AP3S2: variants seen among roughly 807,000 people sequenced by gnomAD.
AP3S2 encodes the protein AP-3 complex subunit sigma-2.
AP3S2 carries 22 observed loss-of-function variants against 23.4 expected under a neutral mutation model. The observed-to-expected ratio is 0.94, with a 90% CI of 0.67 to 1.34. AP3S2 has a LOEUF of 1.34. AP3S2 is among the 40% of genes most tolerant of loss of function. The pLI, the probability that AP3S2 is intolerant of heterozygous loss-of-function variation, is 0.00. For synonymous variants in AP3S2, 86 were observed against 87.1 expected (o/e 0.99, Z 0.07); for missense variants, 241 against 236.9 (o/e 1.02, Z -0.11).
chr15:89,841,565 T>A (rs1448200738), intron 4 of AP3S2, among the ~76,000 whole-genome samples: 1 of 152,158 alleles, frequency 6.6e-6, no homozygotes, highest in African/African-American at 2.4e-5. Flanking sequence ...AAATGAGAAA[T>A]CACGCAAGCT....
chr15:89,890,871 C>T (rs1038020878), intron 1 of AP3S2, among the ~76,000 whole-genome samples: 1 of 152,208 alleles, frequency 6.6e-6, no homozygotes, highest in Non-Finnish European at 1.5e-5. Context: ...GAATGGCTCA[C>T]AGTATTTACT....
chr15:89,882,148 A>G (rs1400646901), intron 3 of AP3S2, among the ~76,000 whole-genome samples: 2 of 152,072 alleles, frequency 1.3e-5, no homozygotes, highest in Non-Finnish European at 2.9e-5. Flanking sequence ...ATATCTATCT[A>G]GCAACATGCA....
chr15:89,863,326 T>C (rs1896047327), intron 4 of AP3S2, among the ~76,000 whole-genome samples: 1 of 152,026 alleles, frequency 6.6e-6, no homozygotes, highest in African/African-American at 2.4e-5. Flanking sequence ...ACAATGGAAA[T>C]GGAACTACAG....
At chr15:89,892,044 T>C (rs150149957) in intron 1 of AP3S2, among the ~76,000 whole-genome samples, 7 of 152,232 alleles carry the variant, frequency 4.6e-5, no homozygotes, top group Non-Finnish European at 1.0e-4. Context: ...TATTCAGCAA[T>C]AAAAGAAATG....
chr15:89,873,526 C>A (rs1001726066), intron 3 of AP3S2, among the ~76,000 whole-genome samples: 2 of 152,110 alleles, frequency 1.3e-5, no homozygotes, highest in African/African-American at 4.8e-5. Flanking sequence ...CTTAAGTGAT[C>A]CCCCTGTCTT....
chr15:89,868,056 C>A (rs1462850891), intron 4 of AP3S2, among the ~76,000 whole-genome samples: 1 of 132,944 alleles, frequency 7.5e-6, no homozygotes, highest in African/African-American at 2.8e-5. Flanking sequence ...GCCCGGCCGC[C>A]CCTACTGGGA....
intron 1 of AP3S2, among the ~76,000 whole-genome samples, chr15:89,891,827 T>A (rs1896828221): frequency 6.6e-6 from 1 of 152,172 alleles, no homozygotes; most frequent in African/African-American, 2.4e-5. Flanking sequence ...GTCAAATAGT[T>A]TGCAGTTTCT....
At chr15:89,885,828 T>C (rs1013973698) in intron 3 of AP3S2, among the ~76,000 whole-genome samples, 8 of 150,824 alleles carry the variant, frequency 5.3e-5, no homozygotes, top group African/African-American at 1.5e-4. Flanking sequence ...GTAGGCCCCA[T>C]TACTCAGGAG....
At chr15:89,888,185 T>C (rs1664335580) in intron 3 of AP3S2, among the ~76,000 whole-genome samples, 1 of 152,148 alleles carries the variant, frequency 6.6e-6, no homozygotes, top group Admixed American at 6.6e-5. Flanking sequence ...GATGAAATAA[T>C]GCTAAATAAA....
chr15:89,849,783 C>G (rs1431071146), intron 4 of AP3S2, among the ~76,000 whole-genome samples: 1 of 152,164 alleles, frequency 6.6e-6, no homozygotes, highest in Non-Finnish European at 1.5e-5. Context: ...CACCCATCAA[C>G]TGGTCATCTA....
At chr15:89,864,194 A>G (rs910638388) in intron 4 of AP3S2, among the ~76,000 whole-genome samples, 4 of 152,212 alleles carry the variant, frequency 2.6e-5, no homozygotes, top group African/African-American at 9.7e-5. Context: ...GAAGAACAAC[A>G]TTTTTATGGC....
At chr15:89,843,640 AAAAC>A (rs1404904606) in intron 4 of AP3S2, among the ~76,000 whole-genome samples, 1 of 151,950 alleles carries the variant, frequency 6.6e-6, no homozygotes, top group Non-Finnish European at 1.5e-5. Flanking sequence ...ATCTCAGAAA[AAAAC>A]AAACAAACAA....
intron 4 of AP3S2, among the ~76,000 whole-genome samples, chr15:89,856,526 C>T (rs954686023): frequency 2.0e-5 from 3 of 151,864 alleles, no homozygotes; most frequent in African/African-American, 7.3e-5. Flanking sequence ...TGGTGCAACC[C>T]CGTCTCTACT....
chr15:89,859,022 T>G (rs1895935411), intron 4 of AP3S2, among the ~76,000 whole-genome samples: 1 of 152,000 alleles, frequency 6.6e-6, no homozygotes, highest in Admixed American at 6.6e-5. Context: ...TTTTTCTTTT[T>G]TTTTTTCTTT....
intron 4 of AP3S2, among the ~76,000 whole-genome samples, chr15:89,859,455 G>A (rs1421864892): frequency 2.3e-5 from 3 of 129,854 alleles, no homozygotes; most frequent in Admixed American, 9.2e-5. Context: ...GTGCAGTGGC[G>A]CGACCTCGGC....
At chr15:89,879,068 A>G (rs1896510856) in intron 3 of AP3S2, among the ~76,000 whole-genome samples, 1 of 152,224 alleles carries the variant, frequency 6.6e-6, no homozygotes. Context: ...TCGTAGAGAC[A>G]AAGTCTCACT....
chr15:89,873,425 C>T (rs1158262594), intron 3 of AP3S2, among the ~76,000 whole-genome samples: 3 of 151,990 alleles, frequency 2.0e-5, no homozygotes, highest in Non-Finnish European at 2.9e-5. Context: ...GCTGGGATTA[C>T]AGGCATGCAC....
chr15:89,887,241 A>G (rs1896720764), intron 3 of AP3S2, among the ~76,000 whole-genome samples: 1 of 152,244 alleles, frequency 6.6e-6, no homozygotes, highest in Non-Finnish European at 1.5e-5. Context: ...ACGACGTATG[A>G]AATTTTTAAT....
intron 4 of AP3S2, chr15:89,865,740 A>C (rs1324305173): frequency 6.6e-6 from 1 of 152,218 alleles, no homozygotes; most frequent in African/African-American, 2.4e-5. Flanking sequence ...AAAATGTACA[A>C]TAGCATCCAT....
Sources: gnomAD v4.1 joint callset for allele counts (sites outside exome capture counted in the v4.1 genomes callset) on GRCh38, gnomAD v4.1.1 for gene constraint, MANE v1.5 for transcripts, NCBI Gene and HGNC (gene_info 2026-07-23, HGNC 2026-07-21) for gene names.